Variants in LYPLAL1 observed in about 807,000 individuals in gnomAD.
LYPLAL1 encodes lysophospholipase-like protein 1.
Under a neutral mutation model 19.7 loss-of-function variants are expected in LYPLAL1, and 23 were observed. The ratio of observed to expected loss-of-function variants is 1.17; its 90% CI spans 0.84 to 1.65. The LOEUF is 1.65. LYPLAL1 is among the 40% of genes most tolerant of loss of function. LYPLAL1 has a pLI of 0.00. For synonymous variants in LYPLAL1, 119 were observed against 96.3 expected (o/e 1.24, Z -1.38); for missense variants, 355 against 279.4 (o/e 1.27, Z -1.93).
the LYPLAL1 span, among the ~76,000 whole-genome samples, chr1:219,313,292 A>C: frequency 1.3e-5 from 2 of 152,230 alleles, 1 homozygote; most frequent in Non-Finnish European, 2.9e-5. Flanking sequence ...TGTACCATTT[A>C]GGATTATATT....
chr1:219,184,768 C>T (rs917004917), intron 2 of LYPLAL1, among the ~76,000 whole-genome samples: 3 of 151,924 alleles, frequency 2.0e-5, no homozygotes, highest in Non-Finnish European at 2.9e-5. Context: ...ACCAACCTTA[C>T]ATTCCTGGGA....
chr1:219,212,187 C>T lies in LYPLAL1; in HGVS notation c.*459C>T, dbSNP rs1250094890. On this transcript the variant is annotated 3_prime_UTR_variant, in exon 5 of 5. Coordinates refer to ENST00000366928, the MANE Select transcript of LYPLAL1 (RefSeq NM_138794.5). ...TTATTTCATTTGATCATCACAAGAG[C>T]TTTGTGAAGTAAGCCGAGAAGTTGT... The T allele has an allele frequency of 6.6e-6, 1 of 152,410 alleles. No homozygotes were observed. Among genetic ancestry groups the T allele is most frequent in the African/African-American group, 2.4e-5 (1 of 41,400 alleles). 9.4% of individuals were successfully genotyped at this position (152,410 alleles called of 1,614,324 possible).
intron 2 of LYPLAL1, among the ~76,000 whole-genome samples, chr1:219,185,828 G>T (rs1656677406): frequency 6.6e-6 from 1 of 151,924 alleles, no homozygotes; most frequent in South Asian, 2.1e-4. Flanking sequence ...ATGGAGGCTG[G>T]ATTCCAAGAG....
chr1:219,373,444 A>G, the LYPLAL1 span, among the ~76,000 whole-genome samples: 3 of 152,276 alleles, frequency 2.0e-5, no homozygotes, highest in East Asian at 1.9e-4. Context: ...CCCAGTCTCA[A>G]AAGGGGTGTC....
chr1:219,318,019 A>C, the LYPLAL1 span, among the ~76,000 whole-genome samples: 1 of 152,198 alleles, frequency 6.6e-6, no homozygotes, highest in African/African-American at 2.4e-5. Flanking sequence ...TTGGGTGTTC[A>C]AGTCAGAGTG....
At chr1:219,185,510 T>C (rs1238329670) in intron 2 of LYPLAL1, among the ~76,000 whole-genome samples, 4 of 151,994 alleles carry the variant, frequency 2.6e-5, no homozygotes, top group African/African-American at 9.7e-5. Flanking sequence ...TGAAATGTTT[T>C]CAAATCTAAA....
intron 3 of LYPLAL1, among the ~76,000 whole-genome samples, chr1:219,206,968 A>T (rs1658625100): frequency 1.3e-5 from 2 of 151,728 alleles, no homozygotes. Flanking sequence ...TTTTTGCTTC[A>T]TTTATAAATT....
chr1:219,289,864 T>C, the LYPLAL1 span, among the ~76,000 whole-genome samples: 1 of 152,206 alleles, frequency 6.6e-6, no homozygotes, highest in African/African-American at 2.4e-5. Context: ...CAGATCTCTC[T>C]GATATTAATG....
At chr1:219,394,343 T>G in the LYPLAL1 span, among the ~76,000 whole-genome samples, 1 of 152,230 alleles carries the variant, frequency 6.6e-6, no homozygotes, top group East Asian at 1.9e-4. Context: ...CTTTTATTTT[T>G]GTAGATACAT....
At chr1:219,349,735 C>A in the LYPLAL1 span, among the ~76,000 whole-genome samples, 3 of 152,110 alleles carry the variant, frequency 2.0e-5, no homozygotes, top group Admixed American at 1.3e-4. Context: ...AGGACACAGT[C>A]ATGAAACAAA....
the LYPLAL1 span, among the ~76,000 whole-genome samples, chr1:219,372,975 T>C: frequency 5.9e-5 from 9 of 152,186 alleles, no homozygotes; most frequent in Non-Finnish European, 8.8e-5. Flanking sequence ...CATTCAGAGA[T>C]TGATCACTAA....
the LYPLAL1 span, among the ~76,000 whole-genome samples, chr1:219,372,259 A>G: frequency 6.6e-6 from 1 of 152,240 alleles, no homozygotes; most frequent in Non-Finnish European, 1.5e-5. Context: ...AACCTTTGCA[A>G]TCATATTTAT....
At chr1:219,333,140 G>T in the LYPLAL1 span, among the ~76,000 whole-genome samples, 1 of 152,010 alleles carries the variant, frequency 6.6e-6, no homozygotes, top group African/African-American at 2.4e-5. Context: ...CGTGTGATTA[G>T]ACTGGGACCC....
the LYPLAL1 span, among the ~76,000 whole-genome samples, chr1:219,234,429 G>C: frequency 6.6e-6 from 1 of 151,964 alleles, no homozygotes; most frequent in Non-Finnish European, 1.5e-5. Flanking sequence ...TTAAGTAATA[G>C]TTTATTTCCC....
chr1:219,402,059 T>C, the LYPLAL1 span, among the ~76,000 whole-genome samples: 2 of 152,176 alleles, frequency 1.3e-5, no homozygotes, highest in Non-Finnish European at 2.9e-5. Context: ...GGACAATTCA[T>C]CATATATTAT....
In LYPLAL1 at chr1:219,211,667, T is replaced by G; in HGVS notation, c.653T>G (p.Leu218Ter). ...TACCATGAGCTAAGCAAAACTGAGTTAGACATATTGAAGTTATGGATTCTT... is the reference window on the plus strand; with the variant it reads ...TACCATGAGCTAAGCAAAACTGAGTGAGACATATTGAAGTTATGGATTCTT... Reference protein sequence around the residue: ...NVYHELSKTELDILKLWILTK... With the variant: ...NVYHELSKTE The change falls in exon 5 of 5, where the codon TTA becomes TGA. Residue 218 changes from leucine to a stop codon, truncating the protein, a stop_gained. Transcript: ENST00000366928. LOFTEE classifies it high-confidence loss of function. The G allele has an allele frequency of 6.2e-7, 1 of 1,613,124 alleles. No individual in the cohort carries two copies. Among genetic ancestry groups the G allele is most frequent in the Non-Finnish European group, 8.5e-7 (1 of 1,179,470 alleles).
At chr1:219,247,335 C>A in the LYPLAL1 span, among the ~76,000 whole-genome samples, 1 of 152,138 alleles carries the variant, frequency 6.6e-6, no homozygotes, top group African/African-American at 2.4e-5. Context: ...ATGCAAAAAT[C>A]TTATAAAGAA....
At chr1:219,214,636 G>A (rs996482139), downstream of LYPLAL1, among the ~76,000 whole-genome samples, 2 of 150,456 alleles carry the variant, frequency 1.3e-5, no homozygotes, top group African/African-American at 4.9e-5. Flanking sequence ...GATATAAGTT[G>A]CATGTACCAT....
intron 2 of LYPLAL1, among the ~76,000 whole-genome samples, chr1:219,184,442 T>C (rs1656557704): frequency 6.6e-6 from 1 of 151,988 alleles, no homozygotes; most frequent in African/African-American, 2.4e-5. Context: ...ATTTCGTGTG[T>C]GCATTTTATT....
Sources: allele counts gnomAD v4.1 joint callset (sites outside exome capture counted in the v4.1 genomes callset), GRCh38; gene constraint gnomAD v4.1.1; transcripts MANE v1.5; gene names NCBI Gene and HGNC (gene_info 2026-07-23, HGNC 2026-07-21).